The following HDAC9 variants were observed in gnomAD, a reference collection of about 807,000 sequenced individuals.
HDAC9 encodes the protein MEF-2 interacting transcription repressor (MITR) protein.
In HDAC9, 41 loss-of-function variants were observed where a neutral mutation model predicts 139.4. That is an observed-to-expected ratio of 0.29 (90% CI 0.23 to 0.38). The LOEUF is 0.38. HDAC9 is among the 10% of genes least tolerant of loss of function. The pLI, the probability that HDAC9 is intolerant of heterozygous loss-of-function variation, is 1.00. For synonymous variants in HDAC9, 517 were observed against 476.2 expected (o/e 1.09, Z -1.12); for missense variants, 1,147 against 1,297.0 (o/e 0.88, Z 1.78).
At chr7:18,565,089 C>T (rs545535985) in intron 2 of HDAC9, among the ~76,000 whole-genome samples, 13 of 152,056 alleles carry the variant, frequency 8.5e-5, no homozygotes, top group South Asian at 8.3e-4. Flanking sequence ...CTCTGCCTCC[C>T]GGGTTCAAGG....
chr7:18,966,271 C>T (rs779452902), intron 24 of HDAC9, among the ~76,000 whole-genome samples: 11 of 152,124 alleles, frequency 7.2e-5, no homozygotes, highest in South Asian at 2.1e-4. Context: ...AGGGTCCTCA[C>T]GAATACCAGT....
intron 1 of HDAC9, among the ~76,000 whole-genome samples, chr7:18,089,492 A>G (rs911608423): frequency 6.6e-6 from 1 of 151,968 alleles, no homozygotes; most frequent in Non-Finnish European, 1.5e-5. Flanking sequence ...AAATAATTAT[A>G]TATTTAAGAT....
At chr7:18,268,750 A>G (rs1796160311) in intron 2 of HDAC9, among the ~76,000 whole-genome samples, 2 of 152,088 alleles carry the variant, frequency 1.3e-5, no homozygotes, top group Admixed American at 1.3e-4. Flanking sequence ...GGTGGCTGGT[A>G]TTTGATGTTT....
chr7:18,654,712 C>G (rs1320392163), intron 11 of HDAC9, among the ~76,000 whole-genome samples: 10 of 152,098 alleles, frequency 6.6e-5, no homozygotes, highest in Admixed American at 5.2e-4. Flanking sequence ...ACAAGGCAAA[C>G]AAACATTAAA....
At chr7:18,338,442 A>G (rs1243187755) in intron 1 of HDAC9, among the ~76,000 whole-genome samples, 1 of 151,636 alleles carries the variant, frequency 6.6e-6, no homozygotes, top group Non-Finnish European at 1.5e-5. Flanking sequence ...TACTTAATAA[A>G]TATTTGGCAG....
intron 22 of HDAC9, among the ~76,000 whole-genome samples, chr7:18,879,922 G>C (rs74187291): frequency 6.6e-6 from 1 of 152,066 alleles, no homozygotes; most frequent in Admixed American, 6.6e-5. Context: ...TCTGACAAAG[G>C]TCTAATATTC....
rs547878391 is a variant in HDAC9, at chr7:18,621,354, C to G, written c.665-7996C>G. On this transcript the variant is annotated intron_variant, in intron 6 of 25. Transcript: ENST00000686413. ...TCTTAAAAATCTCAAATATGTATGA[C>G]TTACATAATCGGAAGCAAGCAATAA... Among the ~76,000 whole-genome samples the G allele has an allele frequency of 2.6e-3, 393 of 151,896 alleles. 1 individual carries two copies. The highest frequency in any genetic ancestry group is 9.1e-3 in the African/African-American group (378 of 41,462).
chr7:18,489,796 G>T (rs1024979092), intron 1 of HDAC9, among the ~76,000 whole-genome samples: 2 of 151,986 alleles, frequency 1.3e-5, no homozygotes, highest in African/African-American at 4.8e-5. Flanking sequence ...ACTGCACAGG[G>T]CCATATTGAT....
intron 2 of HDAC9, among the ~76,000 whole-genome samples, chr7:18,562,569 A>G (rs965356593): frequency 6.6e-6 from 1 of 152,140 alleles, no homozygotes; most frequent in Non-Finnish European, 1.5e-5. Flanking sequence ...CCATAAATGT[A>G]ATGGTTTCTT....
rs552830280 is a variant in HDAC9, at chr7:18,200,345, G to T, written c.25+37996G>T. 3.3e-5 allele frequency among the ~76,000 whole-genome samples: 5 copies of T among 152,282 alleles called. No individual in the cohort carries two copies. In the South Asian group the frequency reaches 1.0e-3, roughly 32 times the overall value. On this transcript the variant is annotated intron_variant, in intron 2 of 12. Transcript: ENST00000417496. ...CCTCTTATATAAACCTCCATTTGGAGCCATTTTAGATTTGAGAGGTTTTTT... is the reference window on the plus strand; with the variant it reads ...CCTCTTATATAAACCTCCATTTGGATCCATTTTAGATTTGAGAGGTTTTTT...
chr7:18,107,234 T>C (rs995026238), intron 1 of HDAC9, among the ~76,000 whole-genome samples: 1 of 152,196 alleles, frequency 6.6e-6, no homozygotes, highest in Admixed American at 6.5e-5. Flanking sequence ...TAAATATCCG[T>C]TTCTTTTTCT....
intron 22 of HDAC9, among the ~76,000 whole-genome samples, chr7:18,901,911 T>C (rs1179794149): frequency 6.6e-6 from 1 of 152,232 alleles, no homozygotes; most frequent in Non-Finnish European, 1.5e-5. Flanking sequence ...CCAGATTCAA[T>C]TTAGTCACAA....
At chr7:18,211,194 A>G (rs1791912979) in intron 2 of HDAC9, among the ~76,000 whole-genome samples, 1 of 152,218 alleles carries the variant, frequency 6.6e-6, no homozygotes, top group Non-Finnish European at 1.5e-5. Context: ...GTTGTTTTAC[A>G]AAGCTCTTAT....
intron 24 of HDAC9, 115 bp from the exon 25 acceptor site, chr7:18,975,691 G>C: frequency 3.1e-6 from 3 of 962,946 alleles, no homozygotes; most frequent in Non-Finnish European, 3.2e-6. Flanking sequence ...TTACAACTGT[G>C]TATAACATGG....
At chr7:18,379,493 C>T (rs1352433549) in intron 1 of HDAC9, among the ~76,000 whole-genome samples, 1 of 152,134 alleles carries the variant, frequency 6.6e-6, no homozygotes, top group Admixed American at 6.5e-5. Flanking sequence ...CTCTAAATGG[C>T]CTCCTGTCCT....
chr7:18,451,456 T>A lies in HDAC9; in HGVS notation c.-41-44806T>A, dbSNP rs554186109. On this transcript the variant is annotated intron_variant, in intron 1 of 3. Coordinates refer to the HDAC9 transcript ENST00000413509. ...GTGTGTGTGTGTGTGTGTATATGTA[T>A]ATATATATGCATACATATAGGTGAG... is the stretch of plus-strand genomic sequence containing the variant. 1.3e-4 allele frequency among the ~76,000 whole-genome samples: 19 copies of A among 151,598 alleles called. No individual in the cohort carries two copies. The South Asian group carries it at 4.0e-3, about 32-fold the overall frequency.
At chr7:18,282,834 T>C (rs1294037926) in intron 2 of HDAC9, among the ~76,000 whole-genome samples, 1 of 152,080 alleles carries the variant, frequency 6.6e-6, no homozygotes, top group African/African-American at 2.4e-5. Context: ...GACTATTTGA[T>C]TGATTAAAGA....
intron 1 of HDAC9, among the ~76,000 whole-genome samples, chr7:18,373,178 A>G (rs1292520403): frequency 1.3e-5 from 2 of 152,220 alleles, no homozygotes; most frequent in East Asian, 1.9e-4. Flanking sequence ...AGTCACAAGT[A>G]TAAGTCTACT....
chr7:18,436,878 C>T (rs972312276), intron 1 of HDAC9, among the ~76,000 whole-genome samples: 1 of 152,048 alleles, frequency 6.6e-6, no homozygotes, highest in African/African-American at 2.4e-5. Context: ...GAAATTCAAG[C>T]CTGGTTATAT....
Sources: allele counts gnomAD v4.1 joint callset (sites outside exome capture counted in the v4.1 genomes callset), GRCh38; gene constraint gnomAD v4.1.1; transcripts MANE v1.5; gene names NCBI Gene and HGNC (gene_info 2026-07-23, HGNC 2026-07-21).